The following DENND4B variants were observed in gnomAD, a reference collection of about 807,000 sequenced individuals.
DENND4B encodes DENN domain containing 4B.
Under a neutral mutation model 161.0 loss-of-function variants are expected in DENND4B, and 67 were observed. The ratio of observed to expected loss-of-function variants is 0.42; its 90% CI spans 0.34 to 0.51. The LOEUF (loss-of-function observed/expected upper bound fraction) is 0.51. DENND4B is among the 20% of genes least tolerant of loss of function. The probability of loss-of-function intolerance (pLI) is 0.08; values close to 1 mark genes in which losing one functional copy is unlikely to be tolerated. For missense variants in DENND4B, 1,481 were observed against 1,968.0 expected (o/e 0.75, Z 4.68); for synonymous variants, 753 against 813.8 (o/e 0.93, Z 1.27).
Position 153,936,404 on chromosome 1 carries a change from G to T in DENND4B, c.2439+138C>A. ...GAACATGCTTATTCACTCGACGAATGTTTATAGATAATCTGCCCAGCTCTG... is the reference window on the plus strand; with the variant it reads ...GAACATGCTTATTCACTCGACGAATTTTTATAGATAATCTGCCCAGCTCTG... On this transcript the variant is annotated intron_variant, in intron 16 of 27. Transcript: ENST00000361217. This position sits in a 1 kb window ranked among gnomAD's most constrained non-coding sequence, Gnocchi z 4.1. 1.7e-6 allele frequency: 2 copies of T among 1,167,786 alleles called. No homozygotes were observed. Among genetic ancestry groups the T allele is most frequent in the Non-Finnish European group, 1.2e-6 (1 of 838,058 alleles). The allele number at this position is 1,167,786 out of a possible 1,614,324, so 72.3% of individuals were successfully genotyped here. A position where few individuals can be genotyped will look rare whatever the true frequency, so the allele number is the denominator to read the frequency against.
At position 153,933,107 on chromosome 1, in the gene DENND4B, C is replaced by T. The variant is rs1254747889; in HGVS notation, c.3454-77G>A. 6.2e-6 allele frequency: 10 copies of T among 1,610,092 alleles called. No individual in the cohort carries two copies. Among genetic ancestry groups the T allele is most frequent in the Non-Finnish European group, 8.5e-6 (10 of 1,177,264 alleles). On this transcript the variant is annotated intron_variant, in intron 21 of 27. Transcript: ENST00000361217. This position sits in a 1 kb window ranked among gnomAD's most constrained non-coding sequence, Gnocchi z 5.7. ...GGAGCCCATGCCCCTTCCCCAGCCC[C>T]TCCCACCTCCTCCCCATCTCCTGCC...
chr1:153,943,936 G>T, intron 2 of DENND4B, 122 bp downstream of exon 2: 1 of 1,116,178 alleles, frequency 9.0e-7, no homozygotes, highest in Non-Finnish European at 1.2e-6. Flanking sequence ...TTCCTTCCTG[G>T]CCCCTGGCCC....
chr1:153,945,952 G>A (rs1217572049), intron 1 of DENND4B, among the ~76,000 whole-genome samples: 1 of 152,214 alleles, frequency 6.6e-6, no homozygotes. Context: ...GGCAGAGGGC[G>A]CGCCGAGGGG....
rs1678785755 is a variant in DENND4B at position 153,929,550 on chromosome 1, C to T, written c.*747G>A. The T allele has an allele frequency of 6.6e-6, 1 of 152,214 alleles. No individual in the cohort carries two copies. The highest frequency in any genetic ancestry group is 2.4e-5 in the African/African-American group (1 of 41,432). The allele number at this position is 152,214 out of a possible 1,614,324, so 9.4% of individuals were successfully genotyped here. On this transcript the variant is annotated 3_prime_UTR_variant, in exon 28 of 28. Transcript: ENST00000361217. ...TATATTTACATCCAACAAAACTTCG[C>T]AGGGAACAATCCTTATTGCACAGGT...
In DENND4B at chr1:153,941,962, A is replaced by AGCACAGCGATGGCACGCCGGCTGC. The variant is rs764309456; in HGVS notation, c.938_961dup (p.Arg313_Val320dup). 6.2e-7 allele frequency: 1 copy of AGCACAGCGATGGCACGCCGGCTGC among 1,612,548 alleles called. No individual in the cohort carries two copies. The highest frequency in any genetic ancestry group is 8.5e-7 in the Non-Finnish European group (1 of 1,179,858). ...GGCAGGGAAGGCAGGCCAGCGGGAC[A>AGCACAGCGATGGCACGCCGGCTGC]GCACAGCGATGGCACGCCGGCTGCG... is the stretch of plus-strand genomic sequence containing the variant. On this transcript the variant is annotated inframe_insertion, in exon 6 of 28. Coordinates refer to ENST00000361217, the MANE Select transcript of DENND4B (RefSeq NM_014856.3).
In DENND4B at chr1:153,932,461, G is replaced by C. The variant is rs779786031; in HGVS notation, c.3760-21C>G. 183 of 1,583,422 alleles carry C rather than the reference G, an allele frequency of 1.2e-4. No individual in the cohort carries two copies. The highest frequency in any genetic ancestry group is 1.5e-4 in the Non-Finnish European group (170 of 1,164,734). On this transcript the variant is annotated intron_variant, in intron 23 of 27. Coordinates refer to ENST00000361217, the MANE Select transcript of DENND4B (RefSeq NM_014856.3). The surrounding 1 kb of genome is among the most constrained non-coding windows in gnomAD (Gnocchi z 5.8). ...GCTCCCTATCAGGCACAAAGGGGGA[G>C]GGCAGTAGAGGGCATGTACATCCCC... is the stretch of plus-strand genomic sequence containing the variant.
chr1:153,936,738 A>C lies in DENND4B; in HGVS notation c.2243T>G (p.Val748Gly), dbSNP rs760884952. ...APRRTKQEMK[V>G]AQRMAQKSAA... ...TGACTTCTGTGCCATCCGCTGTGCA[A>C]CTTTCATCTCCTAGGTAGGACAGGG... Residue 748 changes from valine to glycine, a missense_variant, in exon 16 of 28, where the codon GTT (valine) becomes GGT (glycine). Physicochemically the swap from Val to Gly is moderately radical, Grantham distance 109. Around this residue, in one of 3 missense-constraint regions of DENND4B, gnomAD observed 806 missense variants for 1,134.4 expected, o/e 0.71. Coordinates refer to ENST00000361217, the MANE Select transcript of DENND4B (RefSeq NM_014856.3). The surrounding 1 kb of genome is among the most constrained non-coding windows in gnomAD (Gnocchi z 4.1). 1.9e-6 allele frequency: 3 copies of C among 1,590,230 alleles called. No homozygotes were observed. Among genetic ancestry groups the C allele is most frequent in the Non-Finnish European group, 8.6e-7 (1 of 1,165,060 alleles).
At position 153,944,010 on chromosome 1, in the gene DENND4B, G is replaced by T; in HGVS notation, c.317+48C>A. 2 of 1,496,736 alleles carry T rather than the reference G, an allele frequency of 1.3e-6. No homozygotes were observed. The highest frequency in any genetic ancestry group is 2.7e-5 in the South Asian group (2 of 72,932). The allele number at this position is 1,496,736 out of a possible 1,614,324, so 92.7% of individuals were successfully genotyped here. A position where few individuals can be genotyped will look rare whatever the true frequency, so the allele number is the denominator to read the frequency against. On this transcript the variant is annotated intron_variant, in intron 2 of 27. Transcript: ENST00000361217. This position sits in a 1 kb window ranked among gnomAD's most constrained non-coding sequence, Gnocchi z 4.8. ...AGTCCTACCTCTCCCTGTCTCACTGGAGTCCCTCCCAGCCTCCCCTGGTGC... is the reference window on the plus strand; with the variant it reads ...AGTCCTACCTCTCCCTGTCTCACTGTAGTCCCTCCCAGCCTCCCCTGGTGC...
rs1679713186 is a variant in DENND4B at position 153,942,231 on chromosome 1, G to T, written c.766C>A (p.Pro256Thr). ...CWPAQTKYPV[P>T]VFSTFVLTGA... ...GTGAGCACAAAGGTGGAGAAGACGG[G>T]CACGGGGTACTTGGTCTGGGCAGGC... The change falls in exon 5 of 28, where the codon CCC (proline) becomes ACC (threonine). Residue 256 changes from proline to threonine, a missense_variant. Pro to Thr is a conservative substitution (Grantham distance 38). Transcript: ENST00000361217. This position sits in a 1 kb window ranked among gnomAD's most constrained non-coding sequence, Gnocchi z 6.9. 9.9e-6 allele frequency: 16 copies of T among 1,613,954 alleles called. No individual in the cohort carries two copies. The highest frequency in any genetic ancestry group is 1.4e-5 in the Non-Finnish European group (16 of 1,179,868).
Position 153,934,427 on chromosome 1 carries a change from GTGTTTGTTTGTT to G in DENND4B, c.2774-137_2774-126del, listed in dbSNP as rs369552715. ...TCCCAGGCAAAACTTTATCCGTTTT[GTGTTTGTTTGTT>G]TGTTTGTTTTGTTTTGTTTTTTGAG... On this transcript the variant is annotated intron_variant, in intron 18 of 27. Transcript: ENST00000361217. This position sits in a 1 kb window ranked among gnomAD's most constrained non-coding sequence, Gnocchi z 5.3. 2 of 1,317,134 alleles carry G rather than the reference GTGTTTGTTTGTT, an allele frequency of 1.5e-6. No individual in the cohort carries two copies. The highest frequency in any genetic ancestry group is 3.0e-5 in the African/African-American group (2 of 66,466). 81.6% of individuals were successfully genotyped at this position (1,317,134 alleles called of 1,614,324 possible).
At position 153,942,379 on chromosome 1, in the gene DENND4B, G is replaced by A. The variant is rs1413845788; in HGVS notation, c.641-23C>T. On this transcript the variant is annotated intron_variant, in intron 4 of 27. Coordinates refer to ENST00000361217, the MANE Select transcript of DENND4B (RefSeq NM_014856.3). The surrounding 1 kb of genome is among the most constrained non-coding windows in gnomAD (Gnocchi z 6.9). ...GCTCTGCACCCCCAGCATAGTTGGGGGTACCCAAAAGGAGCAGGGTCCATC... is the reference window on the plus strand; with the variant it reads ...GCTCTGCACCCCCAGCATAGTTGGGAGTACCCAAAAGGAGCAGGGTCCATC... The A allele has an allele frequency of 1.9e-6, 3 of 1,605,524 alleles. No homozygotes were observed. Among genetic ancestry groups the A allele is most frequent in the South Asian group, 1.1e-5 (1 of 90,132 alleles).
In DENND4B at chr1:153,933,784, T is replaced by C. The variant is rs758428781; in HGVS notation, c.3029A>G (p.Glu1010Gly). 7 of 1,611,466 alleles carry C rather than the reference T, an allele frequency of 4.3e-6. No individual in the cohort carries two copies. The highest frequency in any genetic ancestry group is 2.5e-6 in the Non-Finnish European group (3 of 1,179,246). ...TGGGCTGCCTCCAGGGAGCGGCTCC[T>C]CCCCTGTCAGGCTCAGGTCTGAGAG... ...GSLSDLSLTG[E>G]EPLPGGSPGG... Residue 1010 changes from glutamate (E) to glycine (G), a missense_variant, in exon 20 of 28, where the codon GAG becomes GGG. By Grantham distance (98) the Glu-to-Gly change is moderately conservative. Around this residue, in one of 3 missense-constraint regions of DENND4B, gnomAD observed 339 missense variants for 330.3 expected, o/e 1.03. Coordinates refer to ENST00000361217, the MANE Select transcript of DENND4B (RefSeq NM_014856.3). This position sits in a 1 kb window ranked among gnomAD's most constrained non-coding sequence, Gnocchi z 5.7.
At position 153,940,250 on chromosome 1, in the gene DENND4B, C is replaced by T. The variant is rs1679591368; in HGVS notation, c.1509G>A (p.Glu503=). The T allele has an allele frequency of 6.3e-7, 1 of 1,596,738 alleles. No individual in the cohort carries two copies. Among genetic ancestry groups the T allele is most frequent in the South Asian group, 1.1e-5 (1 of 88,426 alleles). ...DLDTNTLFQT[E]EKKLLSPRTL... ...TCCGAGGGGAGAGGAGCTTCTTTTC[C>T]TCAGTCCTGTGAGAAAAGCATAAGG... Residue 503 remains glutamate, a synonymous_variant, in exon 11 of 28, where the codon GAG becomes GAA. Coordinates refer to ENST00000361217, the MANE Select transcript of DENND4B (RefSeq NM_014856.3). The surrounding 1 kb of genome is among the most constrained non-coding windows in gnomAD (Gnocchi z 5.6).
In DENND4B at chr1:153,933,063, G is replaced by A. The variant is rs753456800; in HGVS notation, c.3454-33C>T. 1.2e-6 allele frequency: 2 copies of A among 1,610,872 alleles called. No individual in the cohort carries two copies. The highest frequency in any genetic ancestry group is 8.5e-7 in the Non-Finnish European group (1 of 1,177,818). On this transcript the variant is annotated intron_variant, in intron 21 of 27. Coordinates refer to ENST00000361217, the MANE Select transcript of DENND4B (RefSeq NM_014856.3). The surrounding 1 kb of genome is among the most constrained non-coding windows in gnomAD (Gnocchi z 5.7). ...CAGGGAGAGTCGGGAAGTAGGTGCT[G>A]TCTGGCCGCCAGCACTCTGGAGCCC...
Position 153,937,860 on chromosome 1 carries a change from G to T in DENND4B, c.1969C>A (p.His657Asn). Residue 657 changes from histidine (H) to asparagine (N), a missense_variant, in exon 14 of 28, where the codon CAC becomes AAC. Transcript: ENST00000361217. The surrounding 1 kb of genome is among the most constrained non-coding windows in gnomAD (Gnocchi z 4.7). Reference sequence around the variant, plus strand: ...GGCTCAGGCTTCTCCTGCTCTGGGTGGACCTGGAGAAGGATTTTAAGAGAG... The same window carrying T: ...GGCTCAGGCTTCTCCTGCTCTGGGTTGACCTGGAGAAGGATTTTAAGAGAG... ...EFFDSCVEKV[H>N]PEQEKPEPTP... The T allele has an allele frequency of 6.2e-7, 1 of 1,613,984 alleles. No homozygotes were observed. The highest frequency in any genetic ancestry group is 1.1e-5 in the South Asian group (1 of 91,088).
chr1:153,941,913 A>C lies in DENND4B; in HGVS notation c.1011T>G (p.Leu337=). 2 of 1,612,404 alleles carry C rather than the reference A, an allele frequency of 1.2e-6. No homozygotes were observed. The highest frequency in any genetic ancestry group is 1.7e-6 in the Non-Finnish European group (2 of 1,179,866). Residue 337 remains leucine, a synonymous_variant, in exon 6 of 28, where the codon CTT becomes CTG. Transcript: ENST00000361217. Reference sequence around the variant, plus strand: ...GGGGGCCTGAGACGGAGTAGCGGTAAAGGAAGGTGAGGAAGGCGCGGAAGG... The same window carrying C: ...GGGGGCCTGAGACGGAGTAGCGGTACAGGAAGGTGAGGAAGGCGCGGAAGG... ...FPAFRAFLTF[L]YRYSVSGPHR...
At position 153,932,191 on chromosome 1, in the gene DENND4B, T is replaced by C. The variant is rs1157733865; in HGVS notation, c.3996+13A>G. 4.3e-6 allele frequency: 7 copies of C among 1,609,326 alleles called. No homozygotes were observed. The highest frequency in any genetic ancestry group is 5.9e-6 in the Non-Finnish European group (7 of 1,176,656). ...AGGCACTTAGGAAACAGGGGCCACATGGGGGCACTGACCTGGGAGTGCGAA... is the reference window on the plus strand; with the variant it reads ...AGGCACTTAGGAAACAGGGGCCACACGGGGGCACTGACCTGGGAGTGCGAA... On this transcript the variant is annotated intron_variant, in intron 24 of 27. Transcript: ENST00000361217. The surrounding 1 kb of genome is among the most constrained non-coding windows in gnomAD (Gnocchi z 5.8).
rs529429035 is a variant in DENND4B at position 153,937,039 on chromosome 1, C to A, written c.2233-291G>T. 6.6e-6 allele frequency among the ~76,000 whole-genome samples: 1 copy of A among 152,348 alleles called. No individual in the cohort carries two copies. Among genetic ancestry groups the A allele is most frequent in the East Asian group, 1.9e-4 (1 of 5,194 alleles). ...CAAACTCCTGGGCGCAAGTGATCTG[C>A]CTGCCTCAGCCTCCCAAAATGCTGG... On this transcript the variant is annotated intron_variant, in intron 15 of 27. Transcript: ENST00000361217. This position sits in a 1 kb window ranked among gnomAD's most constrained non-coding sequence, Gnocchi z 4.7.
chr1:153,938,532 C>T (rs1679482089), intron 13 of DENND4B, among the ~76,000 whole-genome samples: 1 of 151,574 alleles, frequency 6.6e-6, no homozygotes, highest in African/African-American at 2.4e-5. Context: ...GAAACCCCGT[C>T]TCTACTAAAA....
Sources: allele counts gnomAD v4.1 joint callset (sites outside exome capture counted in the v4.1 genomes callset), GRCh38; gene constraint gnomAD v4.1.1; regional missense constraint gnomAD v4.1.1; non-coding constraint Gnocchi (gnomAD v3.1); transcripts MANE v1.5; gene names NCBI Gene and HGNC (gene_info 2026-07-23, HGNC 2026-07-21).